Variants in TAF8 observed in about 807,000 individuals in gnomAD.
TAF8 encodes the protein TATA-box binding protein associated factor 8, also known as transcription initiation factor TFIID subunit 8.
TAF8 carries 47 observed loss-of-function variants against 36.5 expected under a neutral mutation model. The ratio of observed to expected loss-of-function variants is 1.29; its 90% CI spans 1.02 to 1.64. TAF8 has a LOEUF of 1.64. Among genes scored for constraint, TAF8 ranks in the 40% most tolerant of loss-of-function variants. The pLI is 0.00. For missense variants in TAF8, 420 were observed against 407.6 expected (o/e 1.03, Z -0.26); for synonymous variants, 175 against 159.5 (o/e 1.10, Z -0.73).
chr6:42,083,451 A>G (rs1046640633), downstream of TAF8, among the ~76,000 whole-genome samples: 3 of 152,190 alleles, frequency 2.0e-5, no homozygotes, highest in Admixed American at 6.5e-5. Flanking sequence ...AGCCCTCAGA[A>G]TGTGTACCAG....
intron 7 of TAF8, among the ~76,000 whole-genome samples, chr6:42,075,072 C>T (rs1765698482): frequency 6.6e-6 from 1 of 152,124 alleles, no homozygotes; most frequent in Non-Finnish European, 1.5e-5. Flanking sequence ...TCTCAGAAAA[C>T]ATTGAAGGCA....
rs149426756 is a variant in TAF8 at position 42,062,726 on chromosome 6, G to C, written c.490-3586G>C. ...CTAATTTTTTTTTTTTTCTTAAGTA[G>C]AGATGGGGTTTCACCATATTGACCA... On this transcript the variant is annotated intron_variant, in intron 5 of 8. Coordinates refer to ENST00000372977, the MANE Select transcript of TAF8 (RefSeq NM_138572.3). Among the ~76,000 whole-genome samples the C allele has an allele frequency of 2.1e-3, 321 of 150,754 alleles. 1 individual carries two copies. Among genetic ancestry groups the C allele is most frequent in the Non-Finnish European group, 1.9e-3 (130 of 67,690 alleles).
At chr6:42,052,569 A>G (rs1036084978) in intron 2 of TAF8, among the ~76,000 whole-genome samples, 2 of 152,086 alleles carry the variant, frequency 1.3e-5, no homozygotes, top group African/African-American at 4.8e-5. Context: ...TGATCCACCC[A>G]CCTTGGCCTC....
downstream of TAF8, among the ~76,000 whole-genome samples, chr6:42,085,234 A>G (rs575994802): frequency 6.6e-6 from 1 of 152,268 alleles, no homozygotes; most frequent in East Asian, 1.9e-4. Context: ...ATTTGTTTTC[A>G]TGGCTGTAGA....
intron 3 of TAF8, 88 bp from the exon 4 acceptor site, chr6:42,055,864 T>C: frequency 2.1e-6 from 2 of 951,842 alleles, no homozygotes; most frequent in Non-Finnish European, 3.4e-6. Flanking sequence ...GAGTTGAGAG[T>C]TTAAGCCATT....
At chr6:42,067,330 T>C (rs191101314) in intron 6 of TAF8, among the ~76,000 whole-genome samples, 3 of 152,338 alleles carry the variant, frequency 2.0e-5, no homozygotes, top group African/African-American at 7.2e-5. Flanking sequence ...GCGATTCTTC[T>C]GCTTCAGCAA....
intron 5 of TAF8, among the ~76,000 whole-genome samples, chr6:42,064,780 AC>A (rs980453074): frequency 5.3e-5 from 8 of 150,714 alleles, no homozygotes; most frequent in Non-Finnish European, 1.2e-4. Flanking sequence ...ACACAGTGAA[AC>A]CCGTCTCTAC....
At position 42,057,375 on chromosome 6, in the gene TAF8, T is replaced by G; in HGVS notation, c.365-14T>G. 1 of 1,613,992 alleles carries G rather than the reference T, an allele frequency of 6.2e-7. No homozygotes were observed. The highest frequency in any genetic ancestry group is 8.5e-7 in the Non-Finnish European group (1 of 1,180,006). On this transcript the variant is annotated splice_polypyrimidine_tract_variant and intron_variant, in intron 4 of 8. Transcript: ENST00000372977. ...TCTTGGGTGGAGGGGTAATCAGTTG[T>G]GACTCTGTTGCAGCTCCGGTGACCA...
chr6:42,073,778 G>GGA (rs951907676), intron 7 of TAF8, among the ~76,000 whole-genome samples: 1 of 152,152 alleles, frequency 6.6e-6, no homozygotes, highest in Non-Finnish European at 1.5e-5. Flanking sequence ...AGCAGAGGAG[G>GGA]GATGTTTCTG....
At chr6:42,072,923 C>G (rs1368685995) in intron 7 of TAF8, among the ~76,000 whole-genome samples, 1 of 151,712 alleles carries the variant, frequency 6.6e-6, no homozygotes, top group African/African-American at 2.4e-5. Context: ...CGGGGTTTCA[C>G]CGTGTTAGCC....
rs548364210 is a variant in TAF8 at position 42,070,563 on chromosome 6, T to C, written c.780+1956T>C. Among the ~76,000 whole-genome samples the C allele has an allele frequency of 2.0e-5, 3 of 152,336 alleles. No homozygotes were observed. In the East Asian group the frequency reaches 5.8e-4, roughly 29 times the overall value. On this transcript the variant is annotated intron_variant, in intron 7 of 8. Transcript: ENST00000372977. The stretch of plus-strand genomic sequence containing the variant: ...TCATTTCAAGTGTCTGATAGCCACA[T>C]ACGGCCAGTGGCTGCTCTACTAGGC...
At chr6:42,071,943 G>A (rs930720659) in intron 7 of TAF8, among the ~76,000 whole-genome samples, 3 of 152,184 alleles carry the variant, frequency 2.0e-5, no homozygotes, top group Admixed American at 2.0e-4. Context: ...GAGGACTCTT[G>A]AATACCATGA....
rs1223452076 is a variant in TAF8, at chr6:42,082,652, T to C, written c.*5107T>C. The stretch of plus-strand genomic sequence containing the variant: ...CCGCACCTGGCCGAGTATGGGACTT[T>C]TTGACGTTGGCTTTTTCAGTTCTGC... On this transcript the variant is annotated 3_prime_UTR_variant, in exon 9 of 9. Coordinates refer to ENST00000372977, the MANE Select transcript of TAF8 (RefSeq NM_138572.3). 6.6e-6 allele frequency: 1 copy of C among 152,246 alleles called. No homozygotes were observed. The highest frequency in any genetic ancestry group is 1.5e-5 in the Non-Finnish European group (1 of 68,056). The allele number at this position is 152,246 out of a possible 1,614,324, so 9.4% of individuals were successfully genotyped here.
downstream of TAF8, chr6:42,083,362 C>G (rs573025826): frequency 6.6e-6 from 1 of 152,284 alleles, no homozygotes; most frequent in East Asian, 1.9e-4. Flanking sequence ...TCTGTTCTTT[C>G]AAGCATTGAT....
At position 42,055,602 on chromosome 6, in the gene TAF8, G is replaced by A. The variant is rs368588507; in HGVS notation, c.274G>A (p.Asp92Asn). 3.0e-5 allele frequency: 49 copies of A among 1,614,060 alleles called. No homozygotes were observed. The highest frequency in any genetic ancestry group is 1.1e-4 in the African/African-American group (8 of 74,936). The change falls in exon 3 of 9, where the codon GAT (aspartate) becomes AAT (asparagine). Residue 92 changes from aspartate (D) to asparagine (N), a missense_variant. Coordinates refer to ENST00000372977, the MANE Select transcript of TAF8 (RefSeq NM_138572.3). Reference sequence around the variant, plus strand: ...AGCCAGGACCCAGCCCACACTGTCCGATATCGTGGTCACACTTGTTGAGAT... The same window carrying A: ...AGCCAGGACCCAGCCCACACTGTCCAATATCGTGGTCACACTTGTTGAGAT... ...HTARTQPTLSDIVVTLVEMGF... is the reference protein window; with the variant it reads ...HTARTQPTLSNIVVTLVEMGF...
intron 7 of TAF8, among the ~76,000 whole-genome samples, chr6:42,074,838 CT>C (rs5875785): frequency 0.47 from 67,670 of 143,238 alleles, 17,022 homozygotes; most frequent in East Asian, 0.65. Context: ...GCCTGGCCTA[CT>C]TTTTTTTTTT....
At chr6:42,058,159 G>A (rs1171716109) in intron 5 of TAF8, among the ~76,000 whole-genome samples, 1 of 152,168 alleles carries the variant, frequency 6.6e-6, no homozygotes, top group East Asian at 1.9e-4. Context: ...CGAGGCAGAT[G>A]GATCACCTGA....
intron 2 of TAF8, 23 bp downstream of exon 2, chr6:42,051,536 C>T (rs780109882): frequency 6.2e-7 from 1 of 1,609,154 alleles, no homozygotes; most frequent in Non-Finnish European, 8.5e-7. Context: ...AAACACTTGG[C>T]CTTGGAGTCA....
rs771952250 is a variant in TAF8 at position 42,051,487 on chromosome 6, A to C, written c.176A>C (p.Glu59Ala). The change falls in exon 2 of 9, where the codon GAA becomes GCA. Residue 59 changes from glutamate to alanine, a missense_variant. Glu to Ala is a moderately radical substitution (Grantham distance 107). Transcript: ENST00000372977. ...GAGAGTGCCGAGAAAGCATCCGTGG[A>C]AACGCTGACAGAGATGCTGCAGAGC... Reference protein sequence around the residue: ...GFESAEKASVETLTEMLQSYI... With the variant: ...GFESAEKASVATLTEMLQSYI... 1 of 1,614,118 alleles carries C rather than the reference A, an allele frequency of 6.2e-7. No homozygotes were observed. Among genetic ancestry groups the C allele is most frequent in the East Asian group, 2.2e-5 (1 of 44,892 alleles).
Sources: gnomAD v4.1 joint callset for allele counts (sites outside exome capture counted in the v4.1 genomes callset) on GRCh38, gnomAD v4.1.1 for gene constraint, MANE v1.5 for transcripts, NCBI Gene and HGNC (gene_info 2026-07-23, HGNC 2026-07-21) for gene names.